The following AUH variants were observed in gnomAD, a reference collection of about 807,000 sequenced individuals.
AUH encodes the protein AU RNA binding methylglutaconyl-CoA hydratase.
In AUH, 29 loss-of-function variants were observed where a neutral mutation model predicts 42.3. That is an observed-to-expected ratio of 0.69 (90% CI 0.51 to 0.93). The LOEUF is 0.93. Among genes scored for constraint, AUH ranks in the 40% least tolerant of loss-of-function variants. The pLI is 0.00. For missense variants in AUH, 452 were observed against 438.1 expected, an observed-to-expected ratio of 1.03 and a Z score of -0.28; for synonymous variants, 174 against 166.4, an observed-to-expected ratio of 1.05 and a Z score of -0.35.
chr9:91,348,476 A>C (rs1422205919), intron 3 of AUH, among the ~76,000 whole-genome samples: 6 of 152,238 alleles, frequency 3.9e-5, no homozygotes, highest in African/African-American at 1.2e-4. Flanking sequence ...ATAAAAGCCA[A>C]ACGATGGAAA....
chr9:91,248,479 T>TAAAAGGAGTGATACA (rs1828920134), intron 6 of AUH, among the ~76,000 whole-genome samples: 1 of 152,078 alleles, frequency 6.6e-6, no homozygotes, highest in Non-Finnish European at 1.5e-5. Flanking sequence ...AAGCACAACC[T>TAAAAGGAGTGATACA]AAAAGGAGTG....
chr9:91,276,853 G>GT (rs1287354823), intron 6 of AUH, among the ~76,000 whole-genome samples: 1 of 152,140 alleles, frequency 6.6e-6, no homozygotes, highest in Non-Finnish European at 1.5e-5. Context: ...TTGCCATGTG[G>GT]TTTTCTTCCC....
At chr9:91,308,083 C>A (rs1308846806) in intron 4 of AUH, among the ~76,000 whole-genome samples, 1 of 152,124 alleles carries the variant, frequency 6.6e-6, no homozygotes, top group African/African-American at 2.4e-5. Context: ...CAGAGAAGCA[C>A]CTAACATAGT....
intron 4 of AUH, among the ~76,000 whole-genome samples, chr9:91,309,525 T>C (rs925757263): frequency 6.6e-6 from 1 of 152,186 alleles, no homozygotes; most frequent in Admixed American, 6.5e-5. Context: ...CCCATGGAGC[T>C]GGAGGTCATT....
intron 4 of AUH, among the ~76,000 whole-genome samples, chr9:91,308,919 T>C (rs1419968081): frequency 6.6e-6 from 1 of 151,392 alleles, no homozygotes; most frequent in Admixed American, 6.6e-5. Context: ...GCCTTCCAAA[T>C]AGCTGGCATT....
intron 6 of AUH, among the ~76,000 whole-genome samples, chr9:91,271,055 A>G (rs1239946083): frequency 2.0e-5 from 3 of 152,366 alleles, no homozygotes; most frequent in Admixed American, 1.3e-4. Flanking sequence ...ACATGTTTCA[A>G]AACACTTCTT....
chr9:91,357,949 A>T (rs1265610798), intron 1 of AUH, among the ~76,000 whole-genome samples: 2 of 152,218 alleles, frequency 1.3e-5, no homozygotes, highest in Non-Finnish European at 2.9e-5. Flanking sequence ...ATACACATGC[A>T]CATATAAAAC....
chr9:91,214,107 C>A lies in AUH; in HGVS notation c.*241G>T. On this transcript the variant is annotated 3_prime_UTR_variant, in exon 10 of 10. Transcript: ENST00000375731. The stretch of plus-strand genomic sequence containing the variant: ...GCAGTAAATATTTAAAAATGTATAT[C>A]TAACTTTGATTCTGTTTCTGACTAT... 2 of 428,542 alleles carry A rather than the reference C, an allele frequency of 4.7e-6. No individual in the cohort carries two copies. The highest frequency in any genetic ancestry group is 8.5e-6 in the Non-Finnish European group (2 of 235,876). 26.5% of individuals were successfully genotyped at this position (428,542 alleles called of 1,614,324 possible). A position where few individuals can be genotyped will look rare whatever the true frequency, so the allele number is the denominator to read the frequency against.
chr9:91,242,143 C>T (rs1828553343), intron 6 of AUH, among the ~76,000 whole-genome samples: 1 of 152,126 alleles, frequency 6.6e-6, no homozygotes, highest in Non-Finnish European at 1.5e-5. Context: ...ATTGCCAGGG[C>T]GAGTGAGTCA....
rs1026065800 is a variant in AUH at position 91,227,722 on chromosome 9, G to T, written c.656-6730C>A. 3.3e-5 allele frequency among the ~76,000 whole-genome samples: 5 copies of T among 151,770 alleles called. 1 individual carries two copies. The East Asian group carries it at 9.7e-4, about 29-fold the overall frequency. On this transcript the variant is annotated intron_variant, in intron 6 of 9. Transcript: ENST00000375731. ...GATAGCTCTTATTATTTTGAAATAT[G>T]TCCCATCAATACCTAATTTATTGAG...
At chr9:91,320,195 A>G (rs1031060871) in intron 4 of AUH, among the ~76,000 whole-genome samples, 4 of 152,178 alleles carry the variant, frequency 2.6e-5, no homozygotes, top group Non-Finnish European at 4.4e-5. Flanking sequence ...TTGACCCATG[A>G]GCTGTTCAGT....
intron 6 of AUH, among the ~76,000 whole-genome samples, chr9:91,270,664 T>G (rs1268014541): frequency 6.6e-6 from 1 of 152,064 alleles, no homozygotes; most frequent in Non-Finnish European, 1.5e-5. Flanking sequence ...TGTTCAATTC[T>G]GACTGTGATC....
intron 6 of AUH, among the ~76,000 whole-genome samples, chr9:91,228,532 G>GT (rs1827665120): frequency 6.7e-6 from 1 of 148,262 alleles, no homozygotes; most frequent in East Asian, 2.0e-4. Flanking sequence ...TTTTTCAAGG[G>GT]TTTTTTGTGT....
rs1830297220 is a variant in AUH at position 91,331,171 on chromosome 9, G to T, written c.419-5767C>A. On this transcript the variant is annotated intron_variant, in intron 3 of 9. Transcript: ENST00000375731. Reference sequence around the variant, plus strand: ...TCTCCAAGCAAGGGAGACAAAAAGAGTAAAAAATAAACATAACAAATTAGT... The same window carrying T: ...TCTCCAAGCAAGGGAGACAAAAAGATTAAAAAATAAACATAACAAATTAGT... Among the ~76,000 whole-genome samples the T allele has an allele frequency of 2.0e-5, 3 of 152,036 alleles. No individual in the cohort carries two copies. The South Asian group carries it at 6.2e-4, about 31-fold the overall frequency.
chr9:91,290,526 A>G (rs1374274022), intron 6 of AUH, among the ~76,000 whole-genome samples: 1 of 152,216 alleles, frequency 6.6e-6, no homozygotes, highest in Non-Finnish European at 1.5e-5. Flanking sequence ...AACTAGAAAA[A>G]TAATTCTATT....
intron 3 of AUH, among the ~76,000 whole-genome samples, chr9:91,337,523 A>G (rs553223105): frequency 6.6e-6 from 1 of 152,340 alleles, no homozygotes; most frequent in African/African-American, 2.4e-5. Context: ...GAAGGGCTCC[A>G]GCTTGGATTG....
chr9:91,233,774 G>T (rs1828024751), intron 6 of AUH, among the ~76,000 whole-genome samples: 1 of 152,194 alleles, frequency 6.6e-6, no homozygotes, highest in African/African-American at 2.4e-5. Context: ...CCTTGCAGAA[G>T]TGTCTTCTGT....
intron 6 of AUH, among the ~76,000 whole-genome samples, chr9:91,267,547 T>A (rs1406881574): frequency 6.6e-6 from 1 of 152,154 alleles, no homozygotes; most frequent in East Asian, 1.9e-4. Context: ...TTGGGCCGCA[T>A]CTGCTTGCCC....
chr9:91,329,012 T>C (rs1830142678), intron 3 of AUH, among the ~76,000 whole-genome samples: 2 of 152,202 alleles, frequency 1.3e-5, no homozygotes, highest in African/African-American at 4.8e-5. Context: ...ATAAATAAAT[T>C]CATACAATAT....
Sources: allele counts gnomAD v4.1 joint callset (sites outside exome capture counted in the v4.1 genomes callset), GRCh38; gene constraint gnomAD v4.1.1; transcripts MANE v1.5; gene names NCBI Gene and HGNC (gene_info 2026-07-23, HGNC 2026-07-21).